Variants in SRD5A2 observed in about 807,000 individuals in gnomAD.
SRD5A2 encodes the protein steroid 5 alpha-reductase 2, also known as 3-oxo-5-alpha-steroid 4-dehydrogenase 2.
A neutral mutation model predicts 27.4 loss-of-function variants in SRD5A2; 30 were observed. The observed-to-expected ratio is 1.10, with a 90% CI of 0.82 to 1.49. SRD5A2 has a LOEUF of 1.49. SRD5A2 is among the 40% of genes most tolerant of loss of function. SRD5A2 has a pLI of 0.00. For missense variants in SRD5A2, 348 were observed against 323.4 expected, an observed-to-expected ratio of 1.08 and a Z score of -0.58; for synonymous variants, 141 against 133.6, an observed-to-expected ratio of 1.06 and a Z score of -0.38.
the SRD5A2 span, among the ~76,000 whole-genome samples, chr2:31,618,866 T>C: frequency 1.3e-5 from 2 of 152,154 alleles, no homozygotes; most frequent in Non-Finnish European, 2.9e-5. Context: ...ATATGTGAGT[T>C]CATGGATACA....
chr2:31,636,373 T>C, the SRD5A2 span, among the ~76,000 whole-genome samples: 1 of 152,112 alleles, frequency 6.6e-6, no homozygotes, highest in Non-Finnish European at 1.5e-5. Flanking sequence ...TTTCTGTACA[T>C]TGATTTTGTA....
chr2:31,602,709 T>A, the SRD5A2 span, among the ~76,000 whole-genome samples: 1 of 151,676 alleles, frequency 6.6e-6, no homozygotes, highest in African/African-American at 2.4e-5. Context: ...GAAGAACAGA[T>A]ACATGGAACA....
chr2:31,586,600 G>T, the SRD5A2 span, among the ~76,000 whole-genome samples: 1 of 152,172 alleles, frequency 6.6e-6, no homozygotes, highest in Non-Finnish European at 1.5e-5. Flanking sequence ...AAGAGTATCT[G>T]CCTGGTAATC....
chr2:31,529,637 C>T (rs184412777), intron 3 of SRD5A2, among the ~76,000 whole-genome samples, 180 bp from the exon 4 acceptor site: 1 of 152,226 alleles, frequency 6.6e-6, no homozygotes, highest in African/African-American at 2.4e-5. Flanking sequence ...AAAGCAACAA[C>T]AGCCTGTTGC....
At chr2:31,617,581 T>G in the SRD5A2 span, among the ~76,000 whole-genome samples, 1 of 151,924 alleles carries the variant, frequency 6.6e-6, no homozygotes, top group Non-Finnish European at 1.5e-5. Flanking sequence ...CTCTGCTTCC[T>G]CTTGAATGCT....
the SRD5A2 span, among the ~76,000 whole-genome samples, chr2:31,611,475 T>C: frequency 6.6e-6 from 1 of 152,180 alleles, no homozygotes; most frequent in South Asian, 2.1e-4. Flanking sequence ...CCATCATACA[T>C]AAAGAATGCT....
chr2:31,644,303 A>T, the SRD5A2 span, among the ~76,000 whole-genome samples: 2 of 152,192 alleles, frequency 1.3e-5, no homozygotes, highest in African/African-American at 2.4e-5. Context: ...CAGTTAAATG[A>T]CCAGAGAGCC....
intron 1 of SRD5A2, among the ~76,000 whole-genome samples, chr2:31,579,571 A>T (rs1440085759): frequency 6.6e-6 from 1 of 152,254 alleles, no homozygotes; most frequent in Non-Finnish European, 1.5e-5. Flanking sequence ...TCACAAGCTC[A>T]GATTTGCATC....
rs1251894545 is a variant in SRD5A2 at position 31,524,767 on chromosome 2, T to C, written c.*1429A>G. 4.4e-6 allele frequency: 1 copy of C among 229,614 alleles called. No individual in the cohort carries two copies. Among genetic ancestry groups the C allele is most frequent in the Admixed American group, 5.7e-5 (1 of 17,668 alleles). 14.2% of individuals were successfully genotyped at this position (229,614 alleles called of 1,614,324 possible). ...AAAACAGTTTGCTAAATATTGACAA[T>C]GCATTCCGCAAACATAGGCCTGAGA... is the stretch of plus-strand genomic sequence containing the variant. On this transcript the variant is annotated 3_prime_UTR_variant, in exon 5 of 5. Transcript: ENST00000622030.
intron 1 of SRD5A2, among the ~76,000 whole-genome samples, chr2:31,570,305 G>A (rs1324963874): frequency 6.6e-6 from 1 of 152,012 alleles, no homozygotes; most frequent in Non-Finnish European, 1.5e-5. Context: ...TTCAGAAAAG[G>A]CTTTCAATAC....
At chr2:31,567,556 A>C (rs1273284239) in intron 1 of SRD5A2, among the ~76,000 whole-genome samples, 2 of 151,854 alleles carry the variant, frequency 1.3e-5, no homozygotes, top group East Asian at 3.9e-4. Flanking sequence ...ATCACAACAA[A>C]AGGTTCTTCA....
intron 1 of SRD5A2, among the ~76,000 whole-genome samples, chr2:31,573,705 A>T (rs1012937122): frequency 1.3e-5 from 2 of 152,136 alleles, no homozygotes; most frequent in African/African-American, 4.8e-5. Flanking sequence ...TGATGGGTCA[A>T]TCTGGGAGCA....
At chr2:31,640,852 G>A in the SRD5A2 span, among the ~76,000 whole-genome samples, 1 of 151,342 alleles carries the variant, frequency 6.6e-6, no homozygotes, top group Admixed American at 6.6e-5. Flanking sequence ...TGCTTCCTGT[G>A]GTTTAAGGCA....
At chr2:31,532,619 C>T (rs1665935320) in intron 2 of SRD5A2, among the ~76,000 whole-genome samples, 1 of 150,750 alleles carries the variant, frequency 6.6e-6, no homozygotes. Flanking sequence ...AGGCCCAACC[C>T]AACCTGTCAG....
chr2:31,569,825 T>C (rs1666816777), intron 1 of SRD5A2, among the ~76,000 whole-genome samples: 1 of 152,128 alleles, frequency 6.6e-6, no homozygotes, highest in South Asian at 2.1e-4. Context: ...ACTGTGACCT[T>C]AGATTAGGCA....
Position 31,526,067 on chromosome 2 carries a change from C to T in SRD5A2, c.*129G>A, listed in dbSNP as rs1665771649. On this transcript the variant is annotated 3_prime_UTR_variant, in exon 5 of 5. Coordinates refer to ENST00000622030, the MANE Select transcript of SRD5A2 (RefSeq NM_000348.4). ...ACACCACTCAGAATCCCCAGGCCAG[C>T]TGGCAGAACGCCAGGAGACCTACTA... is the stretch of plus-strand genomic sequence containing the variant. 6.6e-6 allele frequency: 4 copies of T among 604,278 alleles called. No homozygotes were observed. In the South Asian group the frequency reaches 9.5e-5, roughly 14 times the overall value. The allele number at this position is 604,278 out of a possible 1,614,324, so 37.4% of individuals were successfully genotyped here. A position where few individuals can be genotyped will look rare whatever the true frequency, so the allele number is the denominator to read the frequency against.
rs1665759702 is a variant in SRD5A2, at chr2:31,525,586, G to A, written c.*610C>T. On this transcript the variant is annotated 3_prime_UTR_variant, in exon 5 of 5. Transcript: ENST00000622030. ...CTAAGACACTGCACAAATTTGAAAT[G>A]AGGTCAATGCATCAGTATCTTTTCA... The A allele has an allele frequency of 4.4e-6, 1 of 226,220 alleles. No individual in the cohort carries two copies. The highest frequency in any genetic ancestry group is 5.7e-5 in the Admixed American group (1 of 17,518). 14.0% of individuals were successfully genotyped at this position (226,220 alleles called of 1,614,324 possible).
At chr2:31,573,394 C>T (rs1211929119) in intron 1 of SRD5A2, among the ~76,000 whole-genome samples, 2 of 152,180 alleles carry the variant, frequency 1.3e-5, no homozygotes, top group Admixed American at 1.3e-4. Flanking sequence ...AGCTGAGTCT[C>T]GTTAAAGGCT....
At chr2:31,603,005 G>A in the SRD5A2 span, among the ~76,000 whole-genome samples, 1 of 151,966 alleles carries the variant, frequency 6.6e-6, no homozygotes, top group East Asian at 1.9e-4. Flanking sequence ...CATAGGTATG[G>A]GCAAACATTT....
Sources: allele counts gnomAD v4.1 joint callset (sites outside exome capture counted in the v4.1 genomes callset), GRCh38; gene constraint gnomAD v4.1.1; transcripts MANE v1.5; gene names NCBI Gene and HGNC (gene_info 2026-07-23, HGNC 2026-07-21).